CDAN1: variants seen among roughly 807,000 people sequenced by gnomAD.
CDAN1 encodes codanin 1.
Under a neutral mutation model 139.8 loss-of-function variants are expected in CDAN1, and 107 were observed. The ratio of observed to expected loss-of-function variants is 0.77; its 90% confidence interval spans 0.65 to 0.90. The LOEUF (loss-of-function observed/expected upper bound fraction) is 0.90, where lower values mean the gene tolerates loss of function less well. Among genes scored for constraint, CDAN1 ranks in the 40% least tolerant of loss-of-function variants. CDAN1 has a pLI of 0.00. For synonymous variants in CDAN1, 776 were observed against 660.6 expected (o/e 1.17, Z -2.68); for missense variants, 1,667 against 1,575.7 (o/e 1.06, Z -0.98).
rs2061566141 is a variant in CDAN1 at position 42,728,720 on chromosome 15, G to A, written c.2736C>T (p.Ala912=). 1.2e-6 allele frequency: 2 copies of A among 1,614,202 alleles called. No individual in the cohort carries two copies. The highest frequency in any genetic ancestry group is 4.5e-5 in the East Asian group (2 of 44,878). Residue 912 remains alanine, a synonymous_variant, in exon 20 of 28, where the codon GCC becomes GCT. Transcript: ENST00000356231. ...GGGAACACAAGATCTCCAACAGCTG[G>A]GCTGGGTCTCCCCCTTCCTCTCCCT... is the stretch of plus-strand genomic sequence containing the variant. ...VTQGEEGGDP[A]QLLEILCSQL...
Position 42,732,541 on chromosome 15 carries a change from G to A in CDAN1, c.1458-133C>T, listed in dbSNP as rs1345076751. ...AGCAGACCTCAGCCAGAGCCAGCCT[G>A]CAAAGGGACACTGAAGGCAAGGGAC... On this transcript the variant is annotated intron_variant, in intron 9 of 27. Transcript: ENST00000356231. 6.4e-6 allele frequency: 5 copies of A among 783,240 alleles called. No homozygotes were observed. The Admixed American group carries it at 7.9e-5, about 12-fold the overall frequency. 48.5% of individuals were successfully genotyped at this position (783,240 alleles called of 1,614,324 possible).
rs752065246 is a variant in CDAN1, at chr15:42,727,591, G to A, written c.3096+30C>T. The stretch of plus-strand genomic sequence containing the variant: ...AACAGAGCAGGGGGGTGGGAGCAGG[G>A]AAGCCAAAGGGAGTAGGGTAGCCGT... On this transcript the variant is annotated intron_variant, in intron 23 of 27. Coordinates refer to ENST00000356231, the MANE Select transcript of CDAN1 (RefSeq NM_138477.4). 8.6e-6 allele frequency: 13 copies of A among 1,509,242 alleles called. No individual in the cohort carries two copies. In the South Asian group the frequency reaches 1.5e-4, roughly 18 times the overall value. 93.5% of individuals were successfully genotyped at this position (1,509,242 alleles called of 1,614,324 possible).
chr15:42,728,334 C>G (rs140543685), intron 20 of CDAN1, 67 bp from the exon 21 acceptor site: 1 of 1,531,566 alleles, frequency 6.5e-7, no homozygotes, highest in Non-Finnish European at 9.0e-7. Context: ...GTAAATGCCC[C>G]GAGTGCACCA....
rs760137208 is a variant in CDAN1 at position 42,733,163 on chromosome 15, CGCAGCA to C, written c.1385_1390del (p.Val462_Arg464delinsGly). ...CTCCTCATGGTGATCTTCCCACTCT[CGCAGCA>C]CCTCATAAAACACATCCCTGACGCA... On this transcript the variant is annotated inframe_deletion, in exon 9 of 28. Transcript: ENST00000356231. 28 of 1,613,976 alleles carry C rather than the reference CGCAGCA, an allele frequency of 1.7e-5. No individual in the cohort carries two copies. Among genetic ancestry groups the C allele is most frequent in the Non-Finnish European group, 2.4e-5 (28 of 1,180,002 alleles).
chr15:42,736,152 G>A, intron 2 of CDAN1, 74 bp from the exon 3 acceptor site: 1 of 1,570,662 alleles, frequency 6.4e-7, no homozygotes, highest in Non-Finnish European at 8.7e-7. Flanking sequence ...GCAACAGCTA[G>A]ACCTCTTGCC....
Position 42,734,239 on chromosome 15 carries a change from C to T in CDAN1, c.1244G>A (p.Gly415Asp), listed in dbSNP as rs1330116975. The T allele has an allele frequency of 4.3e-6, 7 of 1,613,966 alleles. No homozygotes were observed. Among genetic ancestry groups the T allele is most frequent in the Admixed American group, 1.7e-5 (1 of 60,014 alleles). ...TGGGGTTACTACCTTGGCAACACTG[C>T]CCTCATAGGCAGCTCGAAGGCGGCC... ...LQGRLRAAYE[G>D]SVAKVSLVMP... The change falls in exon 7 of 28, where the codon GGC becomes GAC. Residue 415 changes from glycine to aspartate, a missense_variant. By Grantham distance (94) the Gly-to-Asp change is moderately conservative (BLOSUM62 -1). This residue lies in a region of CDAN1 where 244 missense variants were observed against 309.4 expected (regional missense o/e 0.79). Coordinates refer to ENST00000356231, the MANE Select transcript of CDAN1 (RefSeq NM_138477.4).
chr15:42,732,574 C>G (rs1239469207), intron 9 of CDAN1, among the ~76,000 whole-genome samples, 166 bp from the exon 10 acceptor site: 5 of 152,184 alleles, frequency 3.3e-5, no homozygotes, highest in Non-Finnish European at 5.9e-5. Context: ...GACACTCCCT[C>G]AGCACCAAGG....
chr15:42,735,652 G>A lies in CDAN1; in HGVS notation c.801C>T (p.Thr267=). ...ERSKQLQQSP[T]PTCPTPELGS... is the part of the protein sequence containing the mutation. ...CCAATTCTGGGGTGGGACAGGTGGG[G>A]GTAGGTGACTGCTGCAGCTGCTTAG... is the stretch of plus-strand genomic sequence containing the variant. The change falls in exon 4 of 28, where the codon ACC becomes ACT. Residue 267 remains threonine, a synonymous_variant. Transcript: ENST00000356231. The A allele has an allele frequency of 6.2e-7, 1 of 1,614,062 alleles. No individual in the cohort carries two copies. The highest frequency in any genetic ancestry group is 8.5e-7 in the Non-Finnish European group (1 of 1,180,010).
chr15:42,735,965 G>A lies in CDAN1; in HGVS notation c.683C>T (p.Pro228Leu). Residue 228 changes from proline (P) to leucine (L), a missense_variant, in exon 3 of 28, where the codon CCC (proline) becomes CTC (leucine). Transcript: ENST00000356231. ...PPISCVPSSQ[P>L]SALDTSPWGL... ...CCAAGGGCTAGTGTCCAGGGCTGAG[G>A]GTTGGGAACTGGGGACACAGCTGAT... is the stretch of plus-strand genomic sequence containing the variant. The A allele has an allele frequency of 6.2e-7, 1 of 1,614,188 alleles. No homozygotes were observed. The highest frequency in any genetic ancestry group is 8.5e-7 in the Non-Finnish European group (1 of 1,180,022).
intron 23 of CDAN1, 135 bp from the exon 24 acceptor site, chr15:42,726,552 G>GC (rs1344699844): frequency 2.9e-6 from 2 of 693,368 alleles, no homozygotes; most frequent in Non-Finnish European, 5.1e-6. Context: ...AAGCCAAGTT[G>GC]CCCCTAGACC....
chr15:42,736,784 G>C lies in CDAN1; in HGVS notation c.91-4C>G. 1.3e-6 allele frequency: 2 copies of C among 1,531,092 alleles called. No homozygotes were observed. The highest frequency in any genetic ancestry group is 1.7e-6 in the Non-Finnish European group (2 of 1,145,838). The allele number at this position is 1,531,092 out of a possible 1,614,324, so 94.8% of individuals were successfully genotyped here. A position where few individuals can be genotyped will look rare whatever the true frequency, so the allele number is the denominator to read the frequency against. ...CGGCCGCCTCCCCAGCGTTATCCTA[G>C]GGCAGAAGCACAGGTGGAGGGGCGA... On this transcript the variant is annotated splice_polypyrimidine_tract_variant and splice_region_variant and intron_variant, in intron 1 of 27. Transcript: ENST00000356231.
intron 23 of CDAN1, 79 bp from the exon 24 acceptor site, chr15:42,726,496 G>T: frequency 8.9e-7 from 1 of 1,122,656 alleles, no homozygotes. Flanking sequence ...ACAGGGATCA[G>T]CCAGTGGAGA....
In CDAN1 at chr15:42,734,059, C is replaced by G. The variant is rs2061652739; in HGVS notation, c.1258-12G>C. The stretch of plus-strand genomic sequence containing the variant: ...ATCACCAGAGAGACCTAAAATACAG[C>G]AGGAACGTTAGGAACTGCAGGGTCA... On this transcript the variant is annotated splice_polypyrimidine_tract_variant and intron_variant, in intron 7 of 27. Transcript: ENST00000356231. 6.2e-7 allele frequency: 1 copy of G among 1,607,234 alleles called. No individual in the cohort carries two copies. Among genetic ancestry groups the G allele is most frequent in the Admixed American group, 1.7e-5 (1 of 60,002 alleles).
At position 42,725,492 on chromosome 15, in the gene CDAN1, C is replaced by T. The variant is rs778331751; in HGVS notation, c.3447G>A (p.Arg1149=). ...NVGLLADTRP[R]EWDLLLFLLR... ...CTTCTTGTTCCGTCTGACTCACCTC[C>T]CTTGGCCTTGTGTCTGCCAGAAGCC... is the stretch of plus-strand genomic sequence containing the variant. The change falls in exon 26 of 28, where the codon AGG becomes AGA. Residue 1149 remains arginine, a synonymous_variant. Transcript: ENST00000356231. 4.3e-6 allele frequency: 7 copies of T among 1,614,026 alleles called. No individual in the cohort carries two copies. Among genetic ancestry groups the T allele is most frequent in the Non-Finnish European group, 5.1e-6 (6 of 1,180,034 alleles).
chr15:42,736,639 C>T lies in CDAN1; in HGVS notation c.232G>A (p.Ala78Thr). 1.3e-6 allele frequency: 2 copies of T among 1,520,152 alleles called. No homozygotes were observed. The highest frequency in any genetic ancestry group is 2.1e-5 in the Admixed American group (1 of 47,742). The allele number at this position is 1,520,152 out of a possible 1,614,324, so 94.2% of individuals were successfully genotyped here. The change falls in exon 2 of 28, where the codon GCC (alanine) becomes ACC (threonine). Residue 78 changes from alanine to threonine, a missense_variant. Physicochemically the swap from Ala to Thr is moderately conservative, Grantham distance 58. Transcript: ENST00000356231. ...GPPTPAKTPGASAALPGRPGG... is the reference protein window; with the variant it reads ...GPPTPAKTPGTSAALPGRPGG... ...GGCCTCCCTGGCAAGGCTGCCGAGG[C>T]GCCCGGGGTCTTGGCGGGGGTCGGG... is the stretch of plus-strand genomic sequence containing the variant.
chr15:42,732,225 A>G, intron 10 of CDAN1, 108 bp downstream of exon 10: 1 of 1,075,332 alleles, frequency 9.3e-7, no homozygotes, highest in Non-Finnish European at 1.4e-6. Context: ...TTCAAATTCC[A>G]GCCCAGGACC....
At chr15:42,730,433 C>T (rs2061594076) in intron 14 of CDAN1, among the ~76,000 whole-genome samples, 165 bp downstream of exon 14, 1 of 152,214 alleles carries the variant, frequency 6.6e-6, no homozygotes, top group African/African-American at 2.4e-5. Flanking sequence ...CAGATGATTT[C>T]CCACTGTACC....
chr15:42,736,355 G>T lies in CDAN1; in HGVS notation c.516C>A (p.Leu172=), dbSNP rs1007382678. ...CGGGAGGGAACTCCTCCAGGTTGCT[G>T]AGGTTTGGCGGATCAGACAGCGTGA... ...PSLTLSDPPN[L]SNLEEFPPVG... Residue 172 remains leucine (L), a synonymous_variant, in exon 2 of 28, where the codon CTC becomes CTA. Transcript: ENST00000356231. 4 of 1,613,846 alleles carry T rather than the reference G, an allele frequency of 2.5e-6. No homozygotes were observed. Among genetic ancestry groups the T allele is most frequent in the Non-Finnish European group, 3.4e-6 (4 of 1,180,024 alleles).
In CDAN1 at chr15:42,728,641, G is replaced by C; in HGVS notation, c.2804+11C>G. ...AGAGGAGAGTGGATCAAATGGACCA[G>C]CGCTGCTTACTCCCGCCCCAGGGCC... On this transcript the variant is annotated intron_variant, in intron 20 of 27. Coordinates refer to ENST00000356231, the MANE Select transcript of CDAN1 (RefSeq NM_138477.4). 1 of 1,613,582 alleles carries C rather than the reference G, an allele frequency of 6.2e-7. No individual in the cohort carries two copies. Among genetic ancestry groups the C allele is most frequent in the Non-Finnish European group, 8.5e-7 (1 of 1,179,994 alleles).
Sources: allele counts gnomAD v4.1 joint callset (sites outside exome capture counted in the v4.1 genomes callset), GRCh38; gene constraint gnomAD v4.1.1; regional missense constraint gnomAD v4.1.1; transcripts MANE v1.5; gene names NCBI Gene and HGNC (gene_info 2026-07-23, HGNC 2026-07-21).